Variants in PID1 observed in about 807,000 individuals in gnomAD.
PID1 encodes the protein PTB-containing, cubilin and LRP1-interacting protein.
Under a neutral mutation model 19.1 loss-of-function variants are expected in PID1, and 10 were observed. The ratio of observed to expected loss-of-function variants is 0.52; its 90% CI spans 0.32 to 0.89. PID1 has a LOEUF of 0.89. Among genes scored for constraint, PID1 ranks in the 40% least tolerant of loss-of-function variants. The pLI, the probability that PID1 is intolerant of heterozygous loss-of-function variation, is 0.03. For synonymous variants in PID1, 130 were observed against 116.0 expected (o/e 1.12, Z -0.78); for missense variants, 248 against 285.3 (o/e 0.87, Z 0.94).
At chr2:229,167,773 T>C (rs768544297) in intron 1 of PID1, among the ~76,000 whole-genome samples, 1 of 152,182 alleles carries the variant, frequency 6.6e-6, no homozygotes, top group Non-Finnish European at 1.5e-5. Context: ...ATTTAATCAT[T>C]TGGGGACGCT....
intron 1 of PID1, chr2:229,245,124 T>C (rs897143479): frequency 1.3e-5 from 2 of 152,102 alleles, no homozygotes; most frequent in Non-Finnish European, 2.9e-5. Context: ...CATTTGCATC[T>C]TCTCCTTGAC....
intron 1 of PID1, among the ~76,000 whole-genome samples, chr2:229,222,896 CACACAT>C (rs56203682): frequency 0.34 from 49,727 of 144,712 alleles, 9,042 homozygotes; most frequent in African/African-American, 0.51. Flanking sequence ...CACACACACA[CACACAT>C]GTACCCTATT....
chr2:229,207,565 C>T (rs1156229364), intron 1 of PID1, among the ~76,000 whole-genome samples: 2 of 150,520 alleles, frequency 1.3e-5, no homozygotes, highest in East Asian at 3.9e-4. Flanking sequence ...CGTTGCTCTG[C>T]TCCTTCTTAC....
At chr2:229,158,585 T>TA (rs758763304) in intron 1 of PID1, among the ~76,000 whole-genome samples, 9 of 151,812 alleles carry the variant, frequency 5.9e-5, no homozygotes, top group Non-Finnish European at 1.2e-4. Context: ...AACATCATTT[T>TA]AAAAAACAAA....
chr2:229,121,917 A>T (rs924280755), intron 2 of PID1, among the ~76,000 whole-genome samples: 1 of 152,184 alleles, frequency 6.6e-6, no homozygotes, highest in Admixed American at 6.5e-5. Flanking sequence ...AAAGAAAATC[A>T]AAGGAGAGCA....
intron 2 of PID1, among the ~76,000 whole-genome samples, chr2:229,154,532 C>A (rs1690325658): frequency 6.6e-6 from 1 of 152,150 alleles, no homozygotes; most frequent in Non-Finnish European, 1.5e-5. Context: ...CACTGTGACA[C>A]TATGCCGGTC....
intron 2 of PID1, among the ~76,000 whole-genome samples, chr2:229,060,637 A>G (rs1465780374): frequency 6.6e-6 from 1 of 152,096 alleles, no homozygotes; most frequent in African/African-American, 2.4e-5. Context: ...TATACCAAGA[A>G]GTGGGATTTC....
intron 2 of PID1, among the ~76,000 whole-genome samples, chr2:229,088,641 T>C (rs1427725861): frequency 6.6e-6 from 1 of 152,080 alleles, no homozygotes; most frequent in African/African-American, 2.4e-5. Flanking sequence ...ACAGATGGTG[T>C]CAGTGGCAAG....
chr2:229,263,351 G>GACATC (rs1690508315), intron 1 of PID1, among the ~76,000 whole-genome samples: 1 of 152,162 alleles, frequency 6.6e-6, no homozygotes, highest in African/African-American at 2.4e-5. Flanking sequence ...TGCAATGCTA[G>GACATC]ACATCACATC....
chr2:229,032,778 A>G (rs1393755556), intron 2 of PID1, among the ~76,000 whole-genome samples: 2 of 152,250 alleles, frequency 1.3e-5, no homozygotes, highest in Non-Finnish European at 2.9e-5. Flanking sequence ...ATTCCATGGC[A>G]TAAACTGATC....
intron 2 of PID1, among the ~76,000 whole-genome samples, chr2:229,059,871 C>G (rs1198316246): frequency 6.6e-6 from 1 of 152,156 alleles, no homozygotes; most frequent in Non-Finnish European, 1.5e-5. Flanking sequence ...TGACAAGGAA[C>G]AGAGTGCCTG....
intron 2 of PID1, among the ~76,000 whole-genome samples, chr2:229,049,851 G>A (rs1290666694): frequency 6.6e-6 from 1 of 152,110 alleles, no homozygotes; most frequent in Non-Finnish European, 1.5e-5. Flanking sequence ...TCATGATACT[G>A]AGCTGCCTTT....
intron 2 of PID1, among the ~76,000 whole-genome samples, chr2:229,054,901 T>C (rs1400587719): frequency 1.3e-5 from 2 of 152,188 alleles, no homozygotes; most frequent in Non-Finnish European, 2.9e-5. Flanking sequence ...CATATCTGTA[T>C]AAAAGTCAGG....
At chr2:229,180,039 C>T (rs771295088) in intron 1 of PID1, among the ~76,000 whole-genome samples, 2 of 152,170 alleles carry the variant, frequency 1.3e-5, no homozygotes, top group Non-Finnish European at 2.9e-5. Context: ...TCCTGTAGTT[C>T]GAATAAATGC....
chr2:229,222,485 A>G (rs1691991922), intron 1 of PID1, among the ~76,000 whole-genome samples: 2 of 152,192 alleles, frequency 1.3e-5, no homozygotes, highest in African/African-American at 4.8e-5. Flanking sequence ...GGTTACACAG[A>G]CTGTAAGAGT....
chr2:229,108,934 A>T (rs1417948486), intron 2 of PID1, among the ~76,000 whole-genome samples: 1 of 152,236 alleles, frequency 6.6e-6, no homozygotes. Context: ...TGATATCAGC[A>T]AAAATTGGGA....
rs1341595496 is a variant in PID1 at position 229,026,099 on chromosome 2, G to A, written c.187C>T (p.Leu63=). ...RTHSGCKVTY[L]GKVSTTGMQF... ...ATGCCAGTGGTGGAGACTTTGCCCAGGTAGGTAACCTGCAGATGCAAGAGA... is the reference window on the plus strand; with the variant it reads ...ATGCCAGTGGTGGAGACTTTGCCCAAGTAGGTAACCTGCAGATGCAAGAGA... Residue 63 remains leucine, a synonymous_variant, in exon 3 of 3, where the codon CTG becomes TTG. Coordinates refer to ENST00000392055, the MANE Select transcript of PID1 (RefSeq NM_001100818.2). 2 of 1,612,772 alleles carry A rather than the reference G, an allele frequency of 1.2e-6. No individual in the cohort carries two copies. Among genetic ancestry groups the A allele is most frequent in the African/African-American group, 1.3e-5 (1 of 74,906 alleles).
intron 2 of PID1, among the ~76,000 whole-genome samples, chr2:229,042,234 TG>T (rs1040811487): frequency 1.1e-4 from 17 of 152,122 alleles, no homozygotes; most frequent in East Asian, 5.8e-4. Flanking sequence ...AAATAAATAT[TG>T]GGGGGAAATG....
chr2:229,150,366 G>GCCAA (rs898140451), intron 2 of PID1, among the ~76,000 whole-genome samples: 4 of 152,106 alleles, frequency 2.6e-5, no homozygotes, highest in African/African-American at 9.7e-5. Flanking sequence ...ACCCCCTGAA[G>GCCAA]CCAACCCTCA....
Sources: allele counts gnomAD v4.1 joint callset (sites outside exome capture counted in the v4.1 genomes callset), GRCh38; gene constraint gnomAD v4.1.1; transcripts MANE v1.5; gene names NCBI Gene and HGNC (gene_info 2026-07-23, HGNC 2026-07-21).